SBNO2: variants seen among roughly 807,000 people sequenced by gnomAD.
The protein encoded by SBNO2 is strawberry notch homolog 2.
A neutral mutation model predicts 146.3 loss-of-function variants in SBNO2; 89 were observed. That is an observed-to-expected ratio of 0.61 (90% CI 0.51 to 0.73). SBNO2 has a LOEUF of 0.73. Among genes scored for constraint, SBNO2 ranks in the 30% least tolerant of loss-of-function variants. SBNO2 has a pLI of 0.00. For missense variants in SBNO2, 2,092 were observed against 2,003.7 expected, an observed-to-expected ratio of 1.04 and a Z score of -0.84; for synonymous variants, 1,147 against 892.6, an observed-to-expected ratio of 1.29 and a Z score of -5.08.
chr19:1,129,651 G>T (rs1458135158), intron 4 of SBNO2, among the ~76,000 whole-genome samples: 1 of 152,198 alleles, frequency 6.6e-6, no homozygotes, highest in African/African-American at 2.4e-5. Flanking sequence ...TGGTCACGCT[G>T]ACCTGTGGCC....
At chr19:1,165,484 G>A (rs2080404562) in intron 1 of SBNO2, among the ~76,000 whole-genome samples, 1 of 152,082 alleles carries the variant, frequency 6.6e-6, no homozygotes, top group African/African-American at 2.4e-5. Flanking sequence ...GTGGTTGCTG[G>A]CACTCAGTCC....
chr19:1,144,745 T>G lies in SBNO2; in HGVS notation c.279+2564A>C, dbSNP rs1279837020. 5.2e-3 allele frequency among the ~76,000 whole-genome samples: 409 copies of G among 78,062 alleles called. No homozygotes were observed. The highest frequency in any genetic ancestry group is 0.011 in the Middle Eastern group (1 of 94). The allele number at this position is 78,062 out of a possible 152,430, so 51.2% of individuals were successfully genotyped here. On this transcript the variant is annotated intron_variant, in intron 4 of 31. Transcript: ENST00000361757. The surrounding 1 kb of genome is among the most constrained non-coding windows in gnomAD (Gnocchi z 4.1). ...GCAGAGAGGGAGACAAAGAGACAGG[T>G]GGAGAGGGAGACAGAGAGACAGAGG... is the stretch of plus-strand genomic sequence containing the variant.
At chr19:1,120,366 CTTTT>C (rs1328995196) in intron 11 of SBNO2, among the ~76,000 whole-genome samples, 4 of 152,128 alleles carry the variant, frequency 2.6e-5, no homozygotes, top group Admixed American at 6.6e-5. Context: ...AACCTGTTTT[CTTTT>C]TTGTTTGTTT....
intron 18 of SBNO2, 133 bp from the exon 19 acceptor site, chr19:1,113,837 A>C: frequency 8.4e-7 from 1 of 1,193,728 alleles, no homozygotes; most frequent in South Asian, 1.9e-5. Flanking sequence ...GTGGCGGGGA[A>C]GCCCGGCACC....
chr19:1,158,777 G>A lies in SBNO2; in HGVS notation c.-126-4375C>T, dbSNP rs2080316031. Reference sequence around the variant, plus strand: ...CAGGACCTGAAGATGGCAAGGAGCAGGCCCCCGGGTGTCCCGGGAACCCCG... The same window carrying A: ...CAGGACCTGAAGATGGCAAGGAGCAAGCCCCCGGGTGTCCCGGGAACCCCG... On this transcript the variant is annotated intron_variant, in intron 1 of 31. Transcript: ENST00000361757. This position sits in a 1 kb window ranked among gnomAD's most constrained non-coding sequence, Gnocchi z 9.9. Among the ~76,000 whole-genome samples the A allele has an allele frequency of 6.6e-6, 1 of 152,160 alleles. No homozygotes were observed. Among genetic ancestry groups the A allele is most frequent in the African/African-American group, 2.4e-5 (1 of 41,416 alleles).
intron 12 of SBNO2, 49 bp from the exon 13 acceptor site, chr19:1,119,670 G>A (rs540978047): frequency 1.1e-5 from 16 of 1,483,316 alleles, no homozygotes; most frequent in East Asian, 2.4e-5. Context: ...GGGCCCAGAG[G>A]CCGCGTCAGG....
chr19:1,142,126 T>TC (rs139424193), intron 4 of SBNO2, among the ~76,000 whole-genome samples: 125 of 1,256 alleles, frequency 0.1, 1 homozygote, highest in East Asian at 0.21. Flanking sequence ...TGATCAACCC[T>TC]CCCTCAATGA....
At chr19:1,111,963 C>A (rs769742243) in intron 23 of SBNO2, 33 bp downstream of exon 23, 1 of 1,570,562 alleles carries the variant, frequency 6.4e-7, no homozygotes, top group African/African-American at 1.3e-5. Flanking sequence ...CCTGCCCCTG[C>A]CCCGCCCCCC....
chr19:1,165,692 T>TCGCAGATCTCAGACCCCAGATCCCAGAC (rs2080408766), intron 1 of SBNO2, among the ~76,000 whole-genome samples: 1 of 35,130 alleles, frequency 2.8e-5, no homozygotes, highest in Admixed American at 3.7e-4. Flanking sequence ...AGACCCCAGA[T>TCGCAGATCTCAGACCCCAGATCCCAGAC]CTCAGACCCC....
chr19:1,108,690 C>T lies in SBNO2; in HGVS notation c.3631G>A (p.Glu1211Lys), dbSNP rs1250231027. The change falls in exon 32 of 32, where the codon GAG becomes AAG. Residue 1211 changes from glutamate to lysine, a missense_variant. Physicochemically the swap from Glu to Lys is moderately conservative, Grantham distance 56 (BLOSUM62 1). Transcript: ENST00000361757. ...TGCAGCACCCGGCGCACGCAGCCCT[C>T]GGGGATCTTGATGCCTGCGGGCAGA... ...RKKQVGIKIP[E>K]GCVRRVLQEL... 21 of 1,544,478 alleles carry T rather than the reference C, an allele frequency of 1.4e-5. No individual in the cohort carries two copies. Among genetic ancestry groups the T allele is most frequent in the Admixed American group, 1.9e-5 (1 of 52,070 alleles).
chr19:1,166,240 C>CCCAGACTTCAGATCCCCAGATT (rs2080423612), intron 1 of SBNO2, among the ~76,000 whole-genome samples: 1 of 142,466 alleles, frequency 7.0e-6, no homozygotes, highest in South Asian at 2.3e-4. Flanking sequence ...GACCCCAGAT[C>CCCAGACTTCAGATCCCCAGATT]CCAGACCCCA....
intron 2 of SBNO2, among the ~76,000 whole-genome samples, chr19:1,152,848 T>C (rs1002609640): frequency 1.3e-5 from 2 of 152,104 alleles, no homozygotes; most frequent in African/African-American, 4.8e-5. Context: ...AGCCCCTCTG[T>C]CTCCAGGTAA....
rs2079838274 is a variant in SBNO2, at chr19:1,116,868, T to C, written c.1763A>G (p.Glu588Gly). Residue 588 changes from glutamate (E) to glycine (G), a missense_variant, in exon 16 of 32, where the codon GAG becomes GGG. Coordinates refer to ENST00000361757, the MANE Select transcript of SBNO2 (RefSeq NM_014963.3). Reference protein sequence around the residue: ...GEARTREVLGENDGHLNCFVS... With the variant: ...GEARTREVLGGNDGHLNCFVS... ...GAAGCAGTTGAGGTGCCCATCGTTC[T>C]CCCCCAGCACCTCCCGCGTGCGCGC... 2.5e-6 allele frequency: 4 copies of C among 1,590,898 alleles called. No individual in the cohort carries two copies. The highest frequency in any genetic ancestry group is 8.5e-7 in the Non-Finnish European group (1 of 1,171,248).
At chr19:1,166,893 C>A (rs1393365204) in intron 1 of SBNO2, among the ~76,000 whole-genome samples, 6 of 152,190 alleles carry the variant, frequency 3.9e-5, no homozygotes, top group Non-Finnish European at 7.4e-5. Flanking sequence ...CACAAGGTCT[C>A]CCCACCTGGC....
Position 1,123,649 on chromosome 19 carries a change from T to G in SBNO2, c.523-10A>C, listed in dbSNP as rs202094139. 6 of 1,606,050 alleles carry G rather than the reference T, an allele frequency of 3.7e-6. No individual in the cohort carries two copies. In the Admixed American group the frequency reaches 1.0e-4, roughly 27 times the overall value. On this transcript the variant is annotated splice_polypyrimidine_tract_variant and intron_variant, in intron 6 of 31. Coordinates refer to ENST00000361757, the MANE Select transcript of SBNO2 (RefSeq NM_014963.3). Reference sequence around the variant, plus strand: ...TCTGCACACTCTGCTCCTGCGTGCGTGGCGGGAGCTCAGCGGAGACTGCAG... The same window carrying G: ...TCTGCACACTCTGCTCCTGCGTGCGGGGCGGGAGCTCAGCGGAGACTGCAG...
At chr19:1,116,781 G>C in intron 16 of SBNO2, 48 bp downstream of exon 16, 1 of 1,480,780 alleles carries the variant, frequency 6.8e-7, no homozygotes, top group East Asian at 2.5e-5. Flanking sequence ...GAGAGGGGTG[G>C]CCATGAGCGC....
In SBNO2 at chr19:1,108,500, A is replaced by G. The variant is rs1160347696; in HGVS notation, c.3821T>C (p.Phe1274Ser). Reference protein sequence around the residue: ...PAEAFPPPPHFSFPAPLSLDA... With the variant: ...PAEAFPPPPHSSFPAPLSLDA... ...CAGGGACAGCGGCGCCGGGAAAGAG[A>G]AGTGCGGGGGCGGCGGGAAGGCCTC... The change falls in exon 32 of 32, where the codon TTC becomes TCC. Residue 1274 changes from phenylalanine to serine, a missense_variant. Physicochemically the swap from Phe to Ser is radical, Grantham distance 155. Transcript: ENST00000361757. 2 of 1,218,444 alleles carry G rather than the reference A, an allele frequency of 1.6e-6. No individual in the cohort carries two copies. The highest frequency in any genetic ancestry group is 2.0e-6 in the Non-Finnish European group (2 of 976,206). The allele number at this position is 1,218,444 out of a possible 1,614,324, so 75.5% of individuals were successfully genotyped here. A position where few individuals can be genotyped will look rare whatever the true frequency, so the allele number is the denominator to read the frequency against.
Position 1,136,520 on chromosome 19 carries a change from C to G in SBNO2, c.280-8755G>C, listed in dbSNP as rs1227870466. 1.3e-5 allele frequency among the ~76,000 whole-genome samples: 2 copies of G among 152,228 alleles called. No homozygotes were observed. The highest frequency in any genetic ancestry group is 2.4e-5 in the African/African-American group (1 of 41,462). On this transcript the variant is annotated intron_variant, in intron 4 of 31. Coordinates refer to ENST00000361757, the MANE Select transcript of SBNO2 (RefSeq NM_014963.3). This position sits in a 1 kb window ranked among gnomAD's most constrained non-coding sequence, Gnocchi z 4.2. ...CCTGCCCAGGCCCTGGGCGGAGGCT[C>G]CTCCTCCCGGGGGGGCTGTGGCCTC...
At chr19:1,145,473 CAA>C (rs1223891823) in intron 4 of SBNO2, among the ~76,000 whole-genome samples, 21 of 70,854 alleles carry the variant, frequency 3.0e-4, no homozygotes, top group Admixed American at 3.2e-4. Flanking sequence ...AACTCTGTCT[CAA>C]AAAAAAAAAA....
Sources: gnomAD v4.1 joint callset for allele counts (sites outside exome capture counted in the v4.1 genomes callset) on GRCh38, gnomAD v4.1.1 for gene constraint, Gnocchi (gnomAD v3.1) non-coding constraint, MANE v1.5 for transcripts, NCBI Gene and HGNC (gene_info 2026-07-23, HGNC 2026-07-21) for gene names.